MYOF: variants seen among roughly 807,000 people sequenced by gnomAD.
MYOF encodes fer-1-like 3, myoferlin.
MYOF carries 244 observed loss-of-function variants against 284.2 expected under a neutral mutation model. The ratio of observed to expected loss-of-function variants is 0.86; its 90% CI spans 0.77 to 0.95. MYOF has a LOEUF of 0.95. Among genes scored for constraint, MYOF ranks in the 40% least tolerant of loss-of-function variants. MYOF has a pLI of 0.00. For synonymous variants in MYOF, 904 were observed against 919.7 expected (o/e 0.98, Z 0.31); for missense variants, 2,496 against 2,560.6 (o/e 0.97, Z 0.54).
At chr10:93,389,466 A>T (rs1186357607) in intron 17 of MYOF, among the ~76,000 whole-genome samples, 1 of 152,244 alleles carries the variant, frequency 6.6e-6, no homozygotes, top group Admixed American at 6.5e-5. Context: ...TGGGCATTGT[A>T]TTAAACATGC....
chr10:93,458,567 T>C (rs546087099), intron 1 of MYOF, among the ~76,000 whole-genome samples: 15 of 151,612 alleles, frequency 9.9e-5, no homozygotes, highest in African/African-American at 3.1e-4. Flanking sequence ...CCACTTCTAC[T>C]AAAAATACAA....
chr10:93,321,585 T>C (rs1363034264), intron 48 of MYOF, among the ~76,000 whole-genome samples: 2 of 151,968 alleles, frequency 1.3e-5, no homozygotes, highest in Admixed American at 1.3e-4. Context: ...GGTAACTCAC[T>C]GAGGAGAGTT....
In MYOF at chr10:93,351,056, C is replaced by G. The variant is rs940890655; in HGVS notation, c.3921+141G>C. ...AACAAGCCTTCTACTCCCATGAATA[C>G]CTCCAGTTTTTGGACAAGTTGTAAA... On this transcript the variant is annotated intron_variant, in intron 35 of 53. Transcript: ENST00000359263. 9.4e-6 allele frequency: 8 copies of G among 852,786 alleles called. No homozygotes were observed. The African/African-American group carries it at 1.2e-4, about 12-fold the overall frequency. 52.8% of individuals were successfully genotyped at this position (852,786 alleles called of 1,614,324 possible).
At chr10:93,467,010 C>T (rs1287556256) in intron 1 of MYOF, among the ~76,000 whole-genome samples, 1 of 151,882 alleles carries the variant, frequency 6.6e-6, no homozygotes, top group African/African-American at 2.4e-5. Context: ...ACAACAACAA[C>T]AAAAATAGGA....
intron 3 of MYOF, among the ~76,000 whole-genome samples, chr10:93,448,674 CATAAG>C (rs1291364210): frequency 6.6e-6 from 1 of 152,076 alleles, no homozygotes; most frequent in Non-Finnish European, 1.5e-5. Context: ...AGGAAGAAAA[CATAAG>C]ATCTGAGGAC....
Position 93,316,760 on chromosome 10 carries a change from G to A in MYOF, c.5652C>T (p.Ile1884=). The A allele has an allele frequency of 6.2e-7, 1 of 1,614,022 alleles. No individual in the cohort carries two copies. The highest frequency in any genetic ancestry group is 8.5e-7 in the Non-Finnish European group (1 of 1,179,946). ...QTEFRIPPRL[I]IQIWDNDKFS... ...ACTTGTCATTGTCCCATATCTGAATGATCAGCCTGGGTGGGATTCGAAATT... is the reference window on the plus strand; with the variant it reads ...ACTTGTCATTGTCCCATATCTGAATAATCAGCCTGGGTGGGATTCGAAATT... Residue 1884 remains isoleucine, a synonymous_variant, in exon 50 of 54, where the codon ATC becomes ATT. Transcript: ENST00000359263.
intron 3 of MYOF, among the ~76,000 whole-genome samples, chr10:93,448,797 C>T (rs1318703858): frequency 6.6e-6 from 1 of 152,134 alleles, no homozygotes; most frequent in East Asian, 1.9e-4. Flanking sequence ...GAGTTTGAGA[C>T]CAGCCTGGCC....
intron 40 of MYOF, chr10:93,337,555 C>T (rs1843671821): frequency 7.2e-6 from 3 of 419,062 alleles, no homozygotes; most frequent in Non-Finnish European, 1.3e-5. Context: ...TGGTGCCAGC[C>T]CATTCCCAAC....
Position 93,380,011 on chromosome 10 carries a change from ATGAACAC to A in MYOF, c.1877-31_1877-25del, listed in dbSNP as rs1564666298. 5 of 1,608,088 alleles carry A rather than the reference ATGAACAC, an allele frequency of 3.1e-6. No individual in the cohort carries two copies. In the Admixed American group the frequency reaches 8.3e-5, roughly 27 times the overall value. ...GCCTGGTATAAAACATTGGGGGTCA[ATGAACAC>A]TGAACACTTAAAATAGACAGCATGT... On this transcript the variant is annotated intron_variant, in intron 20 of 53. Transcript: ENST00000359263.
At position 93,343,938 on chromosome 10, in the gene MYOF, A is replaced by G; in HGVS notation, c.4250-6T>C. 2.5e-6 allele frequency: 4 copies of G among 1,614,166 alleles called. No individual in the cohort carries two copies. The highest frequency in any genetic ancestry group is 3.4e-6 in the Non-Finnish European group (4 of 1,179,994). ...TGGGGCAGACAGAAGGGAGGCTGCA[A>G]GACAAATACTTTCTTAATCTAAGAT... On this transcript the variant is annotated splice_polypyrimidine_tract_variant and splice_region_variant and intron_variant, in intron 37 of 53. Transcript: ENST00000359263.
chr10:93,406,422 C>T (rs1589518766), intron 7 of MYOF, among the ~76,000 whole-genome samples: 1 of 150,234 alleles, frequency 6.7e-6, no homozygotes. Flanking sequence ...CCCTCAAACT[C>T]ATTAAAATGG....
chr10:93,308,870 C>A (rs971709415), intron 53 of MYOF, among the ~76,000 whole-genome samples: 2 of 152,054 alleles, frequency 1.3e-5, no homozygotes, highest in African/African-American at 4.8e-5. Flanking sequence ...TGCCACCACA[C>A]CCAACTAATT....
Position 93,409,704 on chromosome 10 carries a change from A to G in MYOF, c.469T>C (p.Leu157=), listed in dbSNP as rs200337145. Residue 157 remains leucine (L), a synonymous_variant, in exon 6 of 54, where the codon TTG becomes CTG. Transcript: ENST00000359263. Reference sequence around the variant, plus strand: ...CCAGGGCCCCTGACTGCATTGTCCAACCTGTCTTCATCACCTTCATCTTCT... The same window carrying G: ...CCAGGGCCCCTGACTGCATTGTCCAGCCTGTCTTCATCACCTTCATCTTCT... ...GEEDEGDEDR[L]DNAVRGPGPK... is the part of the protein sequence containing the mutation. 1.2e-4 allele frequency: 198 copies of G among 1,614,192 alleles called. No homozygotes were observed. The African/African-American group carries it at 1.9e-3, about 16-fold the overall frequency.
chr10:93,340,206 T>A, intron 38 of MYOF, 42 bp from the exon 39 acceptor site: 10 of 1,612,466 alleles, frequency 6.2e-6, no homozygotes, highest in Non-Finnish European at 8.5e-6. Context: ...GCAAACCATA[T>A]AACAGGTCAC....
At chr10:93,354,666 A>ACTCTCTCTCC (rs1554844077) in intron 31 of MYOF, among the ~76,000 whole-genome samples, 3 of 119,316 alleles carry the variant, frequency 2.5e-5, no homozygotes, top group Non-Finnish European at 5.3e-5. Flanking sequence ...TCACACATTC[A>ACTCTCTCTCC]CTCTCTCTCT....
At position 93,371,160 on chromosome 10, in the gene MYOF, C is replaced by A. The variant is rs559794190; in HGVS notation, c.2458-1384G>T. Among the ~76,000 whole-genome samples, 54 of 152,188 alleles carry A rather than the reference C, an allele frequency of 3.5e-4. No homozygotes were observed. In the South Asian group the frequency reaches 6.2e-3, roughly 18 times the overall value. ...ATGATTGTACATTATGTTACAAAAT[C>A]ATGCATGAATAAAAGAGTCATTCAA... On this transcript the variant is annotated intron_variant, in intron 24 of 53. Coordinates refer to ENST00000359263, the MANE Select transcript of MYOF (RefSeq NM_013451.4).
intron 43 of MYOF, among the ~76,000 whole-genome samples, chr10:93,331,202 T>C (rs1262150103): frequency 1.3e-5 from 2 of 152,148 alleles, no homozygotes; most frequent in East Asian, 3.9e-4. Flanking sequence ...GCCACGCACA[T>C]AGGAAAGGTT....
intron 37 of MYOF, 97 bp from the exon 38 acceptor site, chr10:93,344,029 G>T: frequency 1.5e-6 from 2 of 1,315,590 alleles, no homozygotes; most frequent in Non-Finnish European, 2.1e-6. Context: ...AGGGTGGATG[G>T]TAGAGTTTAT....
Position 93,396,237 on chromosome 10 carries a change from T to TA in MYOF, c.1335-14dup, listed in dbSNP as rs1415374946. On this transcript the variant is annotated splice_polypyrimidine_tract_variant and intron_variant, in intron 15 of 53. Transcript: ENST00000359263. The stretch of plus-strand genomic sequence containing the variant: ...AGTAAGACGGTCCCTGTGTAAAAAA[T>TA]AAAAATAAAAAAATAAAAAATAAAA... 14 of 1,544,166 alleles carry TA rather than the reference T, an allele frequency of 9.1e-6. No homozygotes were observed. In the Admixed American group the frequency reaches 1.3e-4, roughly 15 times the overall value.
Sources: gnomAD v4.1 joint callset for allele counts (sites outside exome capture counted in the v4.1 genomes callset) on GRCh38, gnomAD v4.1.1 for gene constraint, MANE v1.5 for transcripts, NCBI Gene and HGNC (gene_info 2026-07-23, HGNC 2026-07-21) for gene names.